STPG2: variants seen among roughly 807,000 people sequenced by gnomAD.
STPG2 encodes the protein sperm tail PG-rich repeat containing 2, also known as sperm-tail PG-rich repeat-containing protein 2.
STPG2 carries 56 observed loss-of-function variants against 54.2 expected under a neutral mutation model. That is an observed-to-expected ratio of 1.03 (90% CI 0.83 to 1.29). The LOEUF is 1.29. Among genes scored for constraint, STPG2 ranks in the 50% most tolerant of loss-of-function variants. The pLI, the probability that STPG2 is intolerant of heterozygous loss-of-function variation, is 0.00. For synonymous variants in STPG2, 200 were observed against 181.8 expected, an observed-to-expected ratio of 1.10 and a Z score of -0.81; for missense variants, 596 against 544.9, an observed-to-expected ratio of 1.09 and a Z score of -0.93.
At chr4:97,988,503 A>G (rs1449209432) in intron 5 of STPG2, among the ~76,000 whole-genome samples, 1 of 152,250 alleles carries the variant, frequency 6.6e-6, no homozygotes, top group African/African-American at 2.4e-5. Flanking sequence ...ATGGATGGGT[A>G]CATGAATTGA....
intron 9 of STPG2, among the ~76,000 whole-genome samples, chr4:97,832,619 T>C (rs1365080110): frequency 1.3e-5 from 2 of 152,190 alleles, no homozygotes; most frequent in African/African-American, 2.4e-5. Context: ...AACCCCATCG[T>C]CTCAGCCCAA....
chr4:97,658,032 A>T (rs557535024), intron 10 of STPG2, among the ~76,000 whole-genome samples: 3 of 152,276 alleles, frequency 2.0e-5, no homozygotes, highest in South Asian at 4.1e-4. Context: ...GATTTGTTTA[A>T]TTTTTTCCAT....
intron 5 of STPG2, among the ~76,000 whole-genome samples, chr4:98,041,098 T>A (rs1039021836): frequency 9.2e-5 from 14 of 151,906 alleles, no homozygotes; most frequent in African/African-American, 2.2e-4. Flanking sequence ...TTGTAGCTAT[T>A]GTAAATGGGA....
intron 7 of STPG2, among the ~76,000 whole-genome samples, chr4:97,969,850 C>A (rs1185253203): frequency 6.6e-6 from 1 of 152,146 alleles, no homozygotes; most frequent in Non-Finnish European, 1.5e-5. Context: ...GGTATTCAAT[C>A]AGGAAAGGAG....
At chr4:97,839,422 T>G (rs1016295183) in intron 9 of STPG2, among the ~76,000 whole-genome samples, 8 of 151,518 alleles carry the variant, frequency 5.3e-5, no homozygotes, top group African/African-American at 1.9e-4. Context: ...CAGAGGAGAG[T>G]AAAGGAATAC....
chr4:97,613,918 AAAAATGGTATTTAG>A (rs1350688915), intron 10 of STPG2, among the ~76,000 whole-genome samples: 9 of 152,028 alleles, frequency 5.9e-5, no homozygotes. Context: ...TATTTTATTA[AAAAATGGTATTTAG>A]AAAATAAGAT....
At chr4:97,974,099 G>A (rs1026482605) in intron 6 of STPG2, among the ~76,000 whole-genome samples, 1 of 152,198 alleles carries the variant, frequency 6.6e-6, no homozygotes, top group Non-Finnish European at 1.5e-5. Flanking sequence ...CCAAGACTGT[G>A]GGAACCTACC....
At chr4:97,512,833 C>T (rs1363260164) in intron 4 of STPG2, among the ~76,000 whole-genome samples, 1 of 152,042 alleles carries the variant, frequency 6.6e-6, no homozygotes, top group African/African-American at 2.4e-5. Flanking sequence ...TCTGTGACTA[C>T]AGATGTGTGG....
chr4:97,456,387 G>A (rs1233352403), intron 4 of STPG2, among the ~76,000 whole-genome samples: 1 of 151,994 alleles, frequency 6.6e-6, no homozygotes, highest in Non-Finnish European at 1.5e-5. Context: ...CAGATCTTGG[G>A]AGAATTCACT....
chr4:97,950,943 C>G (rs1733441492), intron 7 of STPG2, among the ~76,000 whole-genome samples: 5 of 152,144 alleles, frequency 3.3e-5, no homozygotes, highest in Admixed American at 3.3e-4. Context: ...TGACCCTCCC[C>G]AAATTGCTCC....
At chr4:97,964,493 A>G (rs1734015644) in intron 7 of STPG2, among the ~76,000 whole-genome samples, 1 of 152,210 alleles carries the variant, frequency 6.6e-6, no homozygotes, top group South Asian at 2.1e-4. Flanking sequence ...AGATGTTTGC[A>G]CAGAATATAG....
At chr4:98,025,832 C>T (rs527248965) in intron 5 of STPG2, 5 of 1,595,698 alleles carry the variant, frequency 3.1e-6, no homozygotes, top group African/African-American at 1.3e-5. Flanking sequence ...GGATGCAGGC[C>T]TTGCCAGAAC....
intron 8 of STPG2, among the ~76,000 whole-genome samples, chr4:97,882,278 T>C (rs1192564029): frequency 1.3e-5 from 2 of 152,134 alleles, no homozygotes; most frequent in Non-Finnish European, 2.9e-5. Context: ...AGAGAAAGCA[T>C]TTCTTACTGT....
intron 8 of STPG2, among the ~76,000 whole-genome samples, chr4:97,887,321 G>T (rs1236944545): frequency 6.6e-6 from 1 of 152,178 alleles, no homozygotes; most frequent in Non-Finnish European, 1.5e-5. Context: ...TGACCAAAAT[G>T]CTGGTAGTGA....
At chr4:98,086,818 C>T (rs1738533160) in intron 5 of STPG2, among the ~76,000 whole-genome samples, 1 of 152,082 alleles carries the variant, frequency 6.6e-6, no homozygotes, top group Non-Finnish European at 1.5e-5. Context: ...CCATTCTTTC[C>T]CTGCTCCTCA....
intron 7 of STPG2, among the ~76,000 whole-genome samples, chr4:97,958,901 C>G (rs1733785796): frequency 6.6e-6 from 1 of 152,066 alleles, no homozygotes; most frequent in Admixed American, 6.6e-5. Context: ...AACATTTTAC[C>G]CAACAATTGC....
intron 5 of STPG2, 121 bp from the exon 6 acceptor site, chr4:97,981,439 A>G: frequency 1.0e-6 from 1 of 1,004,352 alleles, no homozygotes. Flanking sequence ...TAATGGAGTG[A>G]AGAAAATGTA....
intron 9 of STPG2, among the ~76,000 whole-genome samples, chr4:97,790,381 T>C (rs1413680783): frequency 6.6e-6 from 1 of 152,176 alleles, no homozygotes; most frequent in Non-Finnish European, 1.5e-5. Flanking sequence ...TATCTCAAAG[T>C]TGTTTAAGTC....
intron 10 of STPG2, among the ~76,000 whole-genome samples, chr4:97,593,230 C>T (rs2148899879): frequency 6.6e-6 from 1 of 152,194 alleles, no homozygotes; most frequent in Non-Finnish European, 1.5e-5. Context: ...TGCCGACAGG[C>T]ACCAGCCCAC....
Sources: allele counts gnomAD v4.1 joint callset (sites outside exome capture counted in the v4.1 genomes callset), GRCh38; gene constraint gnomAD v4.1.1; transcripts MANE v1.5; gene names NCBI Gene and HGNC (gene_info 2026-07-23, HGNC 2026-07-21).